The following RALGDS variants were observed in gnomAD, a reference collection of about 807,000 sequenced individuals.
RALGDS encodes the protein ral guanine nucleotide dissociation stimulator, also known as ral guanine nucleotide exchange factor.
RALGDS carries 44 observed loss-of-function variants against 99.8 expected under a neutral mutation model. The observed-to-expected ratio is 0.44, with a 90% CI of 0.35 to 0.57. The LOEUF is 0.57. Ranked by LOEUF, RALGDS falls within the 20% of genes least tolerant of loss-of-function variation. The pLI is 0.01. For synonymous variants in RALGDS, 529 were observed against 505.0 expected (o/e 1.05, Z -0.64); for missense variants, 1,022 against 1,203.1 (o/e 0.85, Z 2.23).
intron 9 of RALGDS, among the ~76,000 whole-genome samples, 196 bp downstream of exon 9, chr9:133,105,736 C>G (rs576299648): frequency 2.0e-5 from 3 of 152,142 alleles, no homozygotes; most frequent in Non-Finnish European, 4.4e-5. Flanking sequence ...CTCAAACACC[C>G]AGGGGCCAAA....
chr9:133,122,179 A>G (rs961339205), upstream of RALGDS, among the ~76,000 whole-genome samples: 2 of 152,234 alleles, frequency 1.3e-5, no homozygotes, highest in African/African-American at 4.8e-5. Context: ...CTGAAGGGGA[A>G]GCAGGGACAG....
At chr9:133,107,328 T>TC in intron 6 of RALGDS, 28 bp from the exon 7 acceptor site, 1 of 1,579,468 alleles carries the variant, frequency 6.3e-7, no homozygotes, top group Non-Finnish European at 8.7e-7. Flanking sequence ...TGTCACCTGG[T>TC]CCTGCCCCAG....
chr9:133,131,075 C>T, exon 1 of RALGDS: 1 of 1,499,698 alleles, frequency 6.7e-7, no homozygotes, highest in Non-Finnish European at 8.8e-7. Context: ...AGTGCCCCCA[C>T]AGGCACATCA....
rs180928233 is a variant in RALGDS at position 133,114,942 on chromosome 9, C to T, written c.184-2790G>A. Among the ~76,000 whole-genome samples, 112 of 152,344 alleles carry T rather than the reference C, an allele frequency of 7.4e-4. 2 individuals are homozygous for T. The highest frequency in any genetic ancestry group is 4.3e-3 in the Admixed American group (66 of 15,310). Reference sequence around the variant, plus strand: ...CCCCACACCCCAATGTCTCCAGGGACACAGCCCAGAGCCCTGAAGATGAGG... The same window carrying T: ...CCCCACACCCCAATGTCTCCAGGGATACAGCCCAGAGCCCTGAAGATGAGG... On this transcript the variant is annotated intron_variant, in intron 1 of 17. Coordinates refer to ENST00000372050, the MANE Select transcript of RALGDS (RefSeq NM_006266.4).
rs577131403 is a variant in RALGDS, at chr9:133,097,817, T to A, written c.*770A>T. ...CTCCCCAATCAGTAAACAAACATTT[T>A]TTTTTTCTTTTTGCTTTTTATACAA... On this transcript the variant is annotated 3_prime_UTR_variant, in exon 18 of 18. Transcript: ENST00000372050. 2 of 226,654 alleles carry A rather than the reference T, an allele frequency of 8.8e-6. No homozygotes were observed. Among genetic ancestry groups the A allele is most frequent in the South Asian group, 3.7e-4 (2 of 5,466 alleles). 14.0% of individuals were successfully genotyped at this position (226,654 alleles called of 1,614,324 possible). A position where few individuals can be genotyped will look rare whatever the true frequency, so the allele number is the denominator to read the frequency against.
chr9:133,129,114 G>T, intron 1 of RALGDS: 4 of 1,572,148 alleles, frequency 2.5e-6, no homozygotes, highest in Non-Finnish European at 3.4e-6. Context: ...CCCCGGCAGA[G>T]GCACTGGTTG....
chr9:133,099,081 G>C, intron 17 of RALGDS: 1 of 368,378 alleles, frequency 2.7e-6, no homozygotes, highest in Non-Finnish European at 5.2e-6. Flanking sequence ...AGGCTTTCTA[G>C]AATCCAGGTC....
At chr9:133,114,274 C>T (rs1287331258) in intron 1 of RALGDS, among the ~76,000 whole-genome samples, 1 of 152,204 alleles carries the variant, frequency 6.6e-6, no homozygotes, top group African/African-American at 2.4e-5. Context: ...TGGAGCTGGC[C>T]TGTCTTCTCT....
chr9:133,129,455 G>A, intron 1 of RALGDS: 2 of 1,385,154 alleles, frequency 1.4e-6, no homozygotes, highest in South Asian at 1.7e-5. Flanking sequence ...CATACCTGCT[G>A]CTGTGACAGG....
intron 1 of RALGDS, among the ~76,000 whole-genome samples, chr9:133,116,765 C>A (rs1831629038): frequency 2.0e-5 from 3 of 152,252 alleles, no homozygotes; most frequent in Non-Finnish European, 2.9e-5. Context: ...AAGGAAACAG[C>A]CTGAGAGGAA....
At chr9:133,134,290 G>A (rs1384237202), upstream of RALGDS, among the ~76,000 whole-genome samples, 1 of 152,208 alleles carries the variant, frequency 6.6e-6, no homozygotes, top group African/African-American at 2.4e-5. Context: ...ACCTGTCACT[G>A]TGCAGCCCAG....
intron 1 of RALGDS, among the ~76,000 whole-genome samples, chr9:133,139,400 G>A (rs1018584899): frequency 5.3e-5 from 8 of 152,212 alleles, no homozygotes; most frequent in Non-Finnish European, 7.3e-5. Flanking sequence ...ATTTCGAGGG[G>A]GCAGGGGGAC....
intron 11 of RALGDS, 127 bp from the exon 12 acceptor site, chr9:133,103,389 G>A (rs1042021883): frequency 3.9e-5 from 47 of 1,199,626 alleles, no homozygotes; most frequent in South Asian, 6.2e-5. Context: ...GATTGAAGCC[G>A]GTGCTGGGCA....
chr9:133,130,360 T>G (rs761741380), intron 1 of RALGDS, among the ~76,000 whole-genome samples: 1 of 152,214 alleles, frequency 6.6e-6, no homozygotes, highest in Non-Finnish European at 1.5e-5. Flanking sequence ...GTGATCCACC[T>G]GCCTTGGCCT....
chr9:133,108,737 C>T lies in RALGDS; in HGVS notation c.714G>A (p.Glu238=), dbSNP rs757484365. The T allele has an allele frequency of 1.2e-6, 2 of 1,613,740 alleles. No individual in the cohort carries two copies. The highest frequency in any genetic ancestry group is 2.2e-5 in the East Asian group (1 of 44,872). ...VQLNMPGSDL[E]RRAHLLLAQL... ...GGGCCAGGAGAAGGTGGGCACGGCG[C>T]TCCAGGTCTGAGCCTGGCATGTTGA... The change falls in exon 5 of 18, where the codon GAG becomes GAA. Residue 238 remains glutamate, a synonymous_variant. Coordinates refer to ENST00000372050, the MANE Select transcript of RALGDS (RefSeq NM_006266.4).
intron 1 of RALGDS, among the ~76,000 whole-genome samples, chr9:133,130,533 A>G: frequency 6.6e-6 from 1 of 152,218 alleles, no homozygotes; most frequent in Non-Finnish European, 1.5e-5. Context: ...AAAAAACACC[A>G]CCAAAGGTAA....
intron 7 of RALGDS, 43 bp from the exon 8 acceptor site, chr9:133,106,791 C>T: frequency 6.9e-7 from 1 of 1,458,470 alleles, no homozygotes; most frequent in Non-Finnish European, 9.5e-7. Flanking sequence ...GGCTGGAGCT[C>T]CCAGCTTGCC....
chr9:133,127,773 G>A (rs1287641600), intron 1 of RALGDS, among the ~76,000 whole-genome samples: 1 of 152,214 alleles, frequency 6.6e-6, no homozygotes, highest in Admixed American at 6.5e-5. Flanking sequence ...GCTGAACTCA[G>A]AGCTGGCCAG....
At chr9:133,101,860 C>G (rs1830773057) in intron 15 of RALGDS, 78 bp downstream of exon 15, 1 of 1,551,452 alleles carries the variant, frequency 6.4e-7, no homozygotes, top group East Asian at 2.4e-5. Flanking sequence ...TGTTCAGGAT[C>G]CAGGGCTTCC....
Sources: allele counts gnomAD v4.1 joint callset (sites outside exome capture counted in the v4.1 genomes callset), GRCh38; gene constraint gnomAD v4.1.1; transcripts MANE v1.5; gene names NCBI Gene and HGNC (gene_info 2026-07-23, HGNC 2026-07-21).